Variants in MRTFB observed in about 807,000 individuals in gnomAD.
MRTFB encodes myocardin related transcription factor B.
Under a neutral mutation model 104.2 loss-of-function variants are expected in MRTFB, and 29 were observed. The observed-to-expected ratio is 0.28, with a 90% CI of 0.21 to 0.38. The LOEUF is 0.38. Among genes scored for constraint, MRTFB ranks in the 10% least tolerant of loss-of-function variants. MRTFB has a pLI of 1.00. For missense variants in MRTFB, 1,270 were observed against 1,341.6 expected (o/e 0.95, Z 0.83); for synonymous variants, 535 against 519.5 (o/e 1.03, Z -0.41).
chr16:14,199,347 A>G (rs1190769599), intron 3 of MRTFB, among the ~76,000 whole-genome samples: 3 of 152,030 alleles, frequency 2.0e-5, no homozygotes, highest in Non-Finnish European at 2.9e-5. Context: ...TTTCCTCTCT[A>G]TTTATATTCT....
chr16:14,040,515 T>G, the MRTFB span, among the ~76,000 whole-genome samples: 6 of 150,956 alleles, frequency 4.0e-5, no homozygotes, highest in African/African-American at 1.2e-4. Flanking sequence ...CAGGCTGAAG[T>G]GCAGTGGCAC....
chr16:14,249,123 AC>A lies in MRTFB; in HGVS notation c.2403+44del, dbSNP rs778627215. 18 of 1,598,512 alleles carry A rather than the reference AC, an allele frequency of 1.1e-5. No individual in the cohort carries two copies. The Admixed American group carries it at 1.4e-4, about 12-fold the overall frequency. On this transcript the variant is annotated intron_variant, in intron 13 of 16. Coordinates refer to ENST00000571589, the MANE Select transcript of MRTFB (RefSeq NM_001308142.2). Reference sequence around the variant, plus strand: ...GAGCAATAGAATGTCGCTGATTTTTACCATCCTCCGATCATCCATTCAACAA... The same window carrying A: ...GAGCAATAGAATGTCGCTGATTTTTACATCCTCCGATCATCCATTCAACAA...
At chr16:14,075,500 G>A (rs1293914369) in intron 1 of MRTFB, among the ~76,000 whole-genome samples, 1 of 152,222 alleles carries the variant, frequency 6.6e-6, no homozygotes, top group Non-Finnish European at 1.5e-5. Flanking sequence ...TGTCAAACTT[G>A]AGTATGTATT....
intron 3 of MRTFB, chr16:14,200,555 A>G (rs911845766): frequency 6.2e-7 from 1 of 1,606,120 alleles, no homozygotes; most frequent in South Asian, 1.1e-5. Flanking sequence ...CTGTATGGTA[A>G]CAATTATCTT....
intron 2 of MRTFB, among the ~76,000 whole-genome samples, chr16:14,106,160 A>G (rs1272700377): frequency 6.6e-6 from 1 of 152,230 alleles, no homozygotes; most frequent in African/African-American, 2.4e-5. Context: ...TCTCAACCCC[A>G]TGGAGCTCAG....
At chr16:14,103,531 G>T (rs2035809951) in intron 2 of MRTFB, among the ~76,000 whole-genome samples, 1 of 152,138 alleles carries the variant, frequency 6.6e-6, no homozygotes, top group African/African-American at 2.4e-5. Flanking sequence ...TAGATTCAGG[G>T]ACTTTATGGG....
rs1487617428 is a variant in MRTFB at position 14,218,835 on chromosome 16, A to G, written c.530A>G (p.Asp177Gly). Residue 177 changes from aspartate to glycine, a missense_variant, in exon 8 of 17, where the codon GAC (aspartate) becomes GGC (glycine). Physicochemically the swap from Asp to Gly is moderately conservative, Grantham distance 94 (BLOSUM62 -1). Around this residue, in one of 3 missense-constraint regions of MRTFB, gnomAD observed 1,144 missense variants for 1,131.5 expected, o/e 1.01. Transcript: ENST00000571589. Reference protein sequence around the residue: ...KEAIIGVGKEDYPHTQGDFSF... With the variant: ...KEAIIGVGKEGYPHTQGDFSF... ...CTTTCTTTAGGCGTTGGGAAGGAGGACTATCCCCACACTCAGGGCGATTTC... is the reference window on the plus strand; with the variant it reads ...CTTTCTTTAGGCGTTGGGAAGGAGGGCTATCCCCACACTCAGGGCGATTTC... 3.1e-6 allele frequency: 5 copies of G among 1,601,876 alleles called. No homozygotes were observed. The highest frequency in any genetic ancestry group is 4.3e-6 in the Non-Finnish European group (5 of 1,173,230).
At chr16:14,253,878 A>T (rs1014019686) in intron 15 of MRTFB, among the ~76,000 whole-genome samples, 3 of 152,226 alleles carry the variant, frequency 2.0e-5, no homozygotes, top group African/African-American at 7.2e-5. Flanking sequence ...TGCAATAAGA[A>T]GTCAAACAGG....
intron 3 of MRTFB, chr16:14,152,202 T>C (rs901240003): frequency 6.6e-6 from 1 of 152,136 alleles, no homozygotes; most frequent in Non-Finnish European, 1.5e-5. Flanking sequence ...ATCTATGTCA[T>C]AATCACATCT....
intron 8 of MRTFB, among the ~76,000 whole-genome samples, chr16:14,232,637 G>A (rs1039696584): frequency 3.9e-5 from 6 of 152,320 alleles, no homozygotes; most frequent in East Asian, 1.9e-4. Flanking sequence ...CTCAGGGAGC[G>A]AGAGAGCTGA....
intron 10 of MRTFB, chr16:14,240,792 C>T (rs770222066): frequency 5.3e-6 from 4 of 755,690 alleles, no homozygotes; most frequent in South Asian, 1.4e-5. Context: ...CTGAGAAAAG[C>T]GTAAGTAGTA....
intron 2 of MRTFB, among the ~76,000 whole-genome samples, chr16:14,123,138 GTT>G (rs2036939216): frequency 6.6e-6 from 1 of 152,108 alleles, no homozygotes; most frequent in Non-Finnish European, 1.5e-5. Flanking sequence ...TGATGGGGTT[GTT>G]TGTTTTTTTC....
chr16:14,118,748 TAC>T (rs933526439), intron 2 of MRTFB, among the ~76,000 whole-genome samples: 2 of 151,652 alleles, frequency 1.3e-5, no homozygotes, highest in Admixed American at 6.6e-5. Flanking sequence ...CACATATATA[TAC>T]ACACACACAT....
chr16:14,048,527 C>T, the MRTFB span, among the ~76,000 whole-genome samples: 1 of 151,986 alleles, frequency 6.6e-6, no homozygotes, highest in South Asian at 2.1e-4. Context: ...GAATAATGGG[C>T]AGTGAGGCAA....
At chr16:14,229,893 G>A in intron 8 of MRTFB, among the ~76,000 whole-genome samples, 1 of 152,002 alleles carries the variant, frequency 6.6e-6, no homozygotes, top group East Asian at 1.9e-4. Context: ...ATAAGACAAA[G>A]CAAAGTTTGC....
intron 3 of MRTFB, among the ~76,000 whole-genome samples, chr16:14,176,278 A>C (rs954281447): frequency 6.6e-6 from 1 of 152,252 alleles, no homozygotes. Flanking sequence ...AAACACTGGA[A>C]TAGATCTTAT....
intron 3 of MRTFB, chr16:14,153,074 T>C (rs2038694574): frequency 6.6e-6 from 1 of 152,118 alleles, no homozygotes; most frequent in Middle Eastern, 3.2e-3. Context: ...AAACCTAGCA[T>C]ATTTTAGGTC....
rs1271366570 is a variant in MRTFB, at chr16:14,263,122, C to G, written c.*1678C>G. 4 of 152,272 alleles carry G rather than the reference C, an allele frequency of 2.6e-5. No homozygotes were observed. The highest frequency in any genetic ancestry group is 5.9e-5 in the Non-Finnish European group (4 of 68,044). 9.4% of individuals were successfully genotyped at this position (152,272 alleles called of 1,614,324 possible). A position where few individuals can be genotyped will look rare whatever the true frequency, so the allele number is the denominator to read the frequency against. ...CTCTGCTCACTGGCACTTCCTGACT[C>G]AAAGGCACTAACAGTGCTCATGTGC... is the stretch of plus-strand genomic sequence containing the variant. On this transcript the variant is annotated 3_prime_UTR_variant, in exon 17 of 17. Coordinates refer to ENST00000571589, the MANE Select transcript of MRTFB (RefSeq NM_001308142.2).
chr16:14,213,726 C>A, intron 6 of MRTFB, 106 bp downstream of exon 6: 2 of 812,934 alleles, frequency 2.5e-6, no homozygotes, highest in South Asian at 1.9e-5. Flanking sequence ...TAACCCACAG[C>A]CTTACTTCCT....
Sources: allele counts gnomAD v4.1 joint callset (sites outside exome capture counted in the v4.1 genomes callset), GRCh38; gene constraint gnomAD v4.1.1; regional missense constraint gnomAD v4.1.1; transcripts MANE v1.5; gene names NCBI Gene and HGNC (gene_info 2026-07-23, HGNC 2026-07-21).